The following RSPO2 variants were observed in gnomAD, a reference collection of about 807,000 sequenced individuals.
RSPO2 encodes the protein R-spondin 2, also known as R-spondin-2.
In RSPO2, 14 loss-of-function variants were observed where a neutral mutation model predicts 30.9. The ratio of observed to expected loss-of-function variants is 0.45; its 90% CI spans 0.30 to 0.71. The LOEUF is 0.71. Among genes scored for constraint, RSPO2 ranks in the 30% least tolerant of loss-of-function variants. The probability of loss-of-function intolerance (pLI) is 0.08; values close to 1 mark genes in which losing one functional copy is unlikely to be tolerated. For synonymous variants in RSPO2, 107 were observed against 96.4 expected (o/e 1.11, Z -0.64); for missense variants, 264 against 301.9 (o/e 0.87, Z 0.93).
At chr8:108,069,280 C>A (rs1812769350) in intron 2 of RSPO2, among the ~76,000 whole-genome samples, 1 of 152,162 alleles carries the variant, frequency 6.6e-6, no homozygotes, top group Non-Finnish European at 1.5e-5. Flanking sequence ...GTGGCACAAT[C>A]TCAGCTTGCT....
At chr8:108,049,043 G>A (rs199796794) in intron 2 of RSPO2, among the ~76,000 whole-genome samples, 2 of 151,744 alleles carry the variant, frequency 1.3e-5, no homozygotes, top group African/African-American at 2.4e-5. Context: ...ACAGTTTGTT[G>A]TGATTTCTGT....
intron 2 of RSPO2, among the ~76,000 whole-genome samples, chr8:108,043,110 A>C (rs1342463550): frequency 6.6e-6 from 1 of 152,180 alleles, no homozygotes; most frequent in Non-Finnish European, 1.5e-5. Context: ...GAAACTGCAA[A>C]CAGCCTCAGG....
At chr8:108,063,021 A>G (rs201935552) in intron 2 of RSPO2, among the ~76,000 whole-genome samples, 2 of 151,660 alleles carry the variant, frequency 1.3e-5, no homozygotes, top group South Asian at 2.1e-4. Flanking sequence ...AGGTATTGAT[A>G]GGAAGTATCT....
chr8:108,009,158 T>G (rs1192821474), intron 2 of RSPO2, among the ~76,000 whole-genome samples: 4 of 152,194 alleles, frequency 2.6e-5, no homozygotes. Flanking sequence ...GGTGGTAATG[T>G]AAATTGGTAT....
intron 3 of RSPO2, among the ~76,000 whole-genome samples, chr8:107,966,199 C>A (rs1813798550): frequency 6.6e-6 from 1 of 152,040 alleles, no homozygotes; most frequent in African/African-American, 2.4e-5. Context: ...AAGCTCAGTT[C>A]AAGATTAGGG....
chr8:108,011,692 G>A (rs1184971840), intron 2 of RSPO2, among the ~76,000 whole-genome samples: 2 of 152,172 alleles, frequency 1.3e-5, no homozygotes, highest in African/African-American at 4.8e-5. Context: ...AAAGAACAAA[G>A]TAGAATGTGT....
At chr8:108,011,637 T>C (rs1810714736) in intron 2 of RSPO2, among the ~76,000 whole-genome samples, 1 of 152,328 alleles carries the variant, frequency 6.6e-6, no homozygotes, top group East Asian at 1.9e-4. Context: ...TATATGGCAA[T>C]TGAGAAAAGA....
At chr8:108,063,298 A>G (rs966830357) in intron 2 of RSPO2, among the ~76,000 whole-genome samples, 4 of 151,858 alleles carry the variant, frequency 2.6e-5, no homozygotes, top group Admixed American at 1.3e-4. Context: ...TCTCAGCCCA[A>G]AATCTCCTGA....
chr8:108,081,676 A>G (rs1028680889), intron 2 of RSPO2, among the ~76,000 whole-genome samples: 1 of 152,140 alleles, frequency 6.6e-6, no homozygotes, highest in African/African-American at 2.4e-5. Context: ...CTAAATCTGC[A>G]GGAAAGCGAG....
At chr8:107,922,584 GA>G (rs1226647025) in intron 5 of RSPO2, among the ~76,000 whole-genome samples, 2 of 151,978 alleles carry the variant, frequency 1.3e-5, no homozygotes, top group Non-Finnish European at 2.9e-5. Context: ...CATAGAACTA[GA>G]AAAAACTATT....
chr8:107,914,796 A>G (rs1227199843), intron 5 of RSPO2, among the ~76,000 whole-genome samples: 2 of 152,198 alleles, frequency 1.3e-5, no homozygotes, highest in Non-Finnish European at 2.9e-5. Context: ...AATAAATTGT[A>G]AAGAAGATCA....
intron 3 of RSPO2, among the ~76,000 whole-genome samples, chr8:107,977,060 G>C (rs767298027): frequency 6.6e-6 from 1 of 152,170 alleles, no homozygotes; most frequent in African/African-American, 2.4e-5. Flanking sequence ...ATAGTGAAAG[G>C]CTGTCCCAAA....
intron 2 of RSPO2, among the ~76,000 whole-genome samples, chr8:108,048,527 A>T (rs1192327413): frequency 1.3e-5 from 2 of 151,962 alleles, no homozygotes; most frequent in African/African-American, 4.8e-5. Flanking sequence ...TATCTCCTTT[A>T]TCATTTTTTA....
chr8:107,951,044 T>TTTTTG (rs1290533437), intron 5 of RSPO2, among the ~76,000 whole-genome samples: 1 of 50,292 alleles, frequency 2.0e-5, no homozygotes, highest in African/African-American at 9.0e-5. Context: ...GGAGAATAAG[T>TTTTTG]TTTTTTTTGT....
chr8:108,062,881 G>T (rs758013333), intron 2 of RSPO2, among the ~76,000 whole-genome samples: 20 of 151,866 alleles, frequency 1.3e-4, no homozygotes, highest in Admixed American at 2.6e-4. Context: ...TTCAACATAC[G>T]CAAATCAATA....
intron 2 of RSPO2, among the ~76,000 whole-genome samples, chr8:108,041,309 G>T (rs925718591): frequency 6.6e-6 from 1 of 151,698 alleles, no homozygotes; most frequent in African/African-American, 2.4e-5. Flanking sequence ...GCGTTTTAAG[G>T]GCTGTAGAGT....
At chr8:107,997,094 C>T in intron 2 of RSPO2, 1 of 233,128 alleles carries the variant, frequency 4.3e-6, no homozygotes, top group Non-Finnish European at 8.7e-6. Context: ...AAGCTTCTTG[C>T]CCCAAACCTC....
intron 2 of RSPO2, among the ~76,000 whole-genome samples, chr8:108,026,918 A>G (rs1811239803): frequency 6.6e-6 from 1 of 152,206 alleles, no homozygotes; most frequent in Non-Finnish European, 1.5e-5. Context: ...TACAAGAATT[A>G]TGTGCATAAT....
chr8:107,998,668 A>G (rs1402561664), intron 2 of RSPO2, among the ~76,000 whole-genome samples: 2 of 152,126 alleles, frequency 1.3e-5, no homozygotes, highest in African/African-American at 2.4e-5. Flanking sequence ...GGCTATATTA[A>G]CATAAATTTA....
Sources: gnomAD v4.1 joint callset for allele counts (sites outside exome capture counted in the v4.1 genomes callset) on GRCh38, gnomAD v4.1.1 for gene constraint, MANE v1.5 for transcripts, NCBI Gene and HGNC (gene_info 2026-07-23, HGNC 2026-07-21) for gene names.